The following CBLC variants were observed in gnomAD, a reference collection of about 807,000 sequenced individuals.
CBLC encodes Cbl proto-oncogene C.
A neutral mutation model predicts 58.6 loss-of-function variants in CBLC; 46 were observed. The observed-to-expected ratio is 0.79, with a 90% CI of 0.62 to 1.00. The LOEUF is 1.00. Among genes scored for constraint, CBLC ranks in the 50% least tolerant of loss-of-function variants. The pLI is 0.00. For missense variants in CBLC, 655 were observed against 625.8 expected (o/e 1.05, Z -0.50); for synonymous variants, 271 against 264.2 (o/e 1.03, Z -0.25).
At chr19:44,800,350 C>T (rs1161214902) in intron 9 of CBLC, 31 bp from the exon 10 acceptor site, 1 of 1,511,100 alleles carries the variant, frequency 6.6e-7, no homozygotes, top group Non-Finnish European at 9.2e-7. Flanking sequence ...TGCCGGGAAT[C>T]AACCGCCCTC....
At chr19:44,799,675 AAAG>A (rs1358992200) in intron 9 of CBLC, among the ~76,000 whole-genome samples, 2 of 144,794 alleles carry the variant, frequency 1.4e-5, no homozygotes, top group Admixed American at 6.7e-5. Flanking sequence ...TGTTTTTAAA[AAAG>A]AAAGAAAAGT....
chr19:44,796,333 G>A (rs1968177443), intron 9 of CBLC, among the ~76,000 whole-genome samples: 1 of 152,168 alleles, frequency 6.6e-6, no homozygotes, highest in Non-Finnish European at 1.5e-5. Flanking sequence ...GTCAGCGTTG[G>A]AGTCTTTAAG....
In CBLC at chr19:44,792,454, G is replaced by A; in HGVS notation, c.1077G>A (p.Lys359=). The stretch of plus-strand genomic sequence containing the variant: ...GCAAGATCTGTGCTGAGAGCAACAA[G>A]GATGTGAAGATTGAGCCGTGCGGGC... ...ELCKICAESN[K]DVKIEPCGHL... is the part of the protein sequence containing the mutation. Residue 359 remains lysine, a synonymous_variant, in exon 7 of 11, where the codon AAG becomes AAA. Coordinates refer to ENST00000647358, the MANE Select transcript of CBLC (RefSeq NM_012116.4). 1.2e-6 allele frequency: 2 copies of A among 1,613,228 alleles called. No individual in the cohort carries two copies. The highest frequency in any genetic ancestry group is 1.1e-5 in the South Asian group (1 of 91,066).
intron 5 of CBLC, among the ~76,000 whole-genome samples, chr19:44,785,866 T>C (rs1048482612): frequency 5.3e-5 from 8 of 151,830 alleles, no homozygotes; most frequent in Non-Finnish European, 1.0e-4. Flanking sequence ...ACCTGGCAGG[T>C]GGAGGTTTCG....
At chr19:44,782,594 A>G in intron 4 of CBLC, 103 bp downstream of exon 4, 1 of 911,006 alleles carries the variant, frequency 1.1e-6, no homozygotes, top group East Asian at 2.5e-5. Flanking sequence ...GAGTGGGAAC[A>G]GAGGTACCCA....
chr19:44,781,886 G>A (rs1967754505), intron 3 of CBLC, among the ~76,000 whole-genome samples: 1 of 138,210 alleles, frequency 7.2e-6, no homozygotes. Context: ...TGGGTCTGAG[G>A]GAGGAGGGCC....
chr19:44,784,445 G>C lies in CBLC; in HGVS notation c.917+44G>C. 5 of 1,527,060 alleles carry C rather than the reference G, an allele frequency of 3.3e-6. No homozygotes were observed. In the South Asian group the frequency reaches 5.9e-5, roughly 18 times the overall value. The allele number at this position is 1,527,060 out of a possible 1,614,324, so 94.6% of individuals were successfully genotyped here. On this transcript the variant is annotated intron_variant, in intron 5 of 10. Transcript: ENST00000647358. ...AGGAGGAGGGTGTCAGCAAAATCTGGTTGGAAAGATCTTGCATGTTGTGCA... is the reference window on the plus strand; with the variant it reads ...AGGAGGAGGGTGTCAGCAAAATCTGCTTGGAAAGATCTTGCATGTTGTGCA...
rs200348346 is a variant in CBLC at position 44,778,008 on chromosome 19, A to G, written c.77A>G (p.Gln26Arg). ...CTGGGCCGGGCAGTCAGGATGCTGCAGCGCCTAGAAGAGCAATGCGTCGAC... is the reference window on the plus strand; with the variant it reads ...CTGGGCCGGGCAGTCAGGATGCTGCGGCGCCTAGAAGAGCAATGCGTCGAC... ...RALGRAVRML[Q>R]RLEEQCVDPR... Residue 26 changes from glutamine (Q) to arginine (R), a missense_variant, in exon 1 of 11, where the codon CAG (glutamine) becomes CGG (arginine). Around this residue, in one of 3 missense-constraint regions of CBLC, gnomAD observed 280 missense variants for 237.2 expected, o/e 1.18. Transcript: ENST00000647358. The G allele has an allele frequency of 2.0e-4, 319 of 1,609,098 alleles. No homozygotes were observed. Among genetic ancestry groups the G allele is most frequent in the Middle Eastern group, 3.3e-4 (2 of 6,056 alleles).
intron 4 of CBLC, among the ~76,000 whole-genome samples, chr19:44,783,945 C>T (rs752920186): frequency 1.3e-5 from 2 of 152,186 alleles, no homozygotes; most frequent in Admixed American, 6.5e-5. Context: ...AGTCCCAGAA[C>T]GGACTCCCAT....
At position 44,781,270 on chromosome 19, in the gene CBLC, C is replaced by T. The variant is rs774190239; in HGVS notation, c.564C>T (p.Gly188=). The T allele has an allele frequency of 1.2e-6, 2 of 1,613,616 alleles. No individual in the cohort carries two copies. The highest frequency in any genetic ancestry group is 1.7e-5 in the Admixed American group (1 of 60,004). ...LLGTCHPVEP[G]CTALALRTTI... ...GCACCTGCCACCCTGTGGAACCAGGCTGCACAGCCCTGGCCTTGCGCACCA... is the reference window on the plus strand; with the variant it reads ...GCACCTGCCACCCTGTGGAACCAGGTTGCACAGCCCTGGCCTTGCGCACCA... The change falls in exon 3 of 11, where the codon GGC becomes GGT. Residue 188 remains glycine, a synonymous_variant. Coordinates refer to ENST00000647358, the MANE Select transcript of CBLC (RefSeq NM_012116.4).
chr19:44,788,141 G>A (rs1967958656), intron 5 of CBLC, among the ~76,000 whole-genome samples: 1 of 151,738 alleles, frequency 6.6e-6, no homozygotes, highest in African/African-American at 2.4e-5. Flanking sequence ...TTCTGTGACA[G>A]GGTCTCACTG....
At chr19:44,784,214 G>A in intron 4 of CBLC, 50 bp from the exon 5 acceptor site, 1 of 1,502,986 alleles carries the variant, frequency 6.7e-7, no homozygotes, top group Non-Finnish European at 9.0e-7. Flanking sequence ...TTCACAAAAG[G>A]GATGGCAGTG....
At chr19:44,798,197 TTTTGTTTG>T (rs200768071) in intron 9 of CBLC, among the ~76,000 whole-genome samples, 2,472 of 151,602 alleles carry the variant, frequency 0.016, 56 homozygotes, top group East Asian at 0.085. Context: ...GGCTGGGTTT[TTTTGTTTG>T]TTTGTTTGTT....
chr19:44,786,026 C>T (rs1303433394), intron 5 of CBLC, among the ~76,000 whole-genome samples: 1 of 152,008 alleles, frequency 6.6e-6, no homozygotes, highest in Non-Finnish European at 1.5e-5. Context: ...TCTCGAACTC[C>T]TGAACTCAAG....
rs752058186 is a variant in CBLC, at chr19:44,781,318, G to A, written c.612G>A (p.Gly204=). ...LRTTIDLTCS[G]HVSIFEFDVF... ...CCACCATTGACCTCACCTGCAGCGG[G>A]CACGTGTCCATCTTCGAGTTCGACG... is the stretch of plus-strand genomic sequence containing the variant. Residue 204 remains glycine (G), a synonymous_variant, in exon 3 of 11, where the codon GGG becomes GGA. Transcript: ENST00000647358. 14 of 1,612,832 alleles carry A rather than the reference G, an allele frequency of 8.7e-6. No homozygotes were observed. The Admixed American group carries it at 2.0e-4, about 23-fold the overall frequency.
chr19:44,778,377 AC>A, intron 1 of CBLC, 93 bp downstream of exon 1: 5 of 1,053,408 alleles, frequency 4.7e-6, no homozygotes, highest in Non-Finnish European at 5.7e-6. Context: ...TTAGGCCCCC[AC>A]CCCCTCCTCC....
At chr19:44,794,173 A>G (rs1407583233) in intron 8 of CBLC, 31 bp from the exon 9 acceptor site, 2 of 1,589,368 alleles carry the variant, frequency 1.3e-6, no homozygotes, top group Non-Finnish European at 1.7e-6. Context: ...GCAGCTCACA[A>G]GCCCCTTCTC....
chr19:44,785,947 CA>C (rs1417540193), intron 5 of CBLC, among the ~76,000 whole-genome samples: 1 of 151,772 alleles, frequency 6.6e-6, no homozygotes, highest in Admixed American at 6.6e-5. Flanking sequence ...AAAAACAAAA[CA>C]AAAAAATTTT....
chr19:44,793,409 G>C lies in CBLC; in HGVS notation c.1138-65G>C, dbSNP rs1039834575. On this transcript the variant is annotated intron_variant, in intron 7 of 10. Coordinates refer to ENST00000647358, the MANE Select transcript of CBLC (RefSeq NM_012116.4). The stretch of plus-strand genomic sequence containing the variant: ...CAATCTTTTGGGCGGGGAGCTCCTC[G>C]TTGGCCCAAGGGACAGGATGGAGAG... The C allele has an allele frequency of 6.8e-6, 10 of 1,481,334 alleles. No homozygotes were observed. The African/African-American group carries it at 1.4e-4, about 21-fold the overall frequency. 91.8% of individuals were successfully genotyped at this position (1,481,334 alleles called of 1,614,324 possible). A position where few individuals can be genotyped will look rare whatever the true frequency, so the allele number is the denominator to read the frequency against.
Sources: gnomAD v4.1 joint callset for allele counts (sites outside exome capture counted in the v4.1 genomes callset) on GRCh38, gnomAD v4.1.1 for gene constraint, gnomAD v4.1.1 regional missense constraint, MANE v1.5 for transcripts, NCBI Gene and HGNC (gene_info 2026-07-23, HGNC 2026-07-21) for gene names.